Variants in BRCA2 observed in about 807,000 individuals in gnomAD.
The protein encoded by BRCA2 is BRCA2 DNA repair associated, also known as breast cancer type 2 susceptibility protein.
In BRCA2, 203 loss-of-function variants were observed where a neutral mutation model predicts 276.7. The ratio of observed to expected loss-of-function variants is 0.73; its 90% CI spans 0.65 to 0.82. BRCA2 has a LOEUF of 0.82. Among genes scored for constraint, BRCA2 ranks in the 40% least tolerant of loss-of-function variants. The pLI is 0.00. For missense variants in BRCA2, 3,920 were observed against 3,915.0 expected (o/e 1.00, Z -0.03); for synonymous variants, 1,289 against 1,338.4 (o/e 0.96, Z 0.81).
In BRCA2 at chr13:32,339,360, T is replaced by A. The variant is rs771336341; in HGVS notation, c.5005T>A (p.Leu1669Ile). 1.9e-6 allele frequency: 3 copies of A among 1,590,760 alleles called. No homozygotes were observed. The South Asian group carries it at 3.5e-5, about 18-fold the overall frequency. The change falls in exon 11 of 27, where the codon TTA becomes ATA. Residue 1669 changes from leucine to isoleucine, a missense_variant. By Grantham distance (5) the Leu-to-Ile change is conservative. Around this residue, in one of 2 missense-constraint regions of BRCA2, gnomAD observed 3,263 missense variants for 3,156.9 expected, o/e 1.03. Coordinates refer to ENST00000380152, the MANE Select transcript of BRCA2 (RefSeq NM_000059.4). ...SPYSVIENSA[L>I]AFYTSCSRKT... ...TTATTCAGTCATTGAAAATTCAGCC[T>A]TAGCTTTTTACACAAGTTGTAGTAG...
In BRCA2 at chr13:32,357,755, G is replaced by A. The variant is rs397507926; in HGVS notation, c.7631G>A (p.Gly2544Asp). ...TATTTTGTGTAGCTGTATACGTATG[G>A]CGTTTCTAAACATTGCATAAAAATT... ...ACSHKQLYTYGVSKHCIKINS... is the reference protein window; with the variant it reads ...ACSHKQLYTYDVSKHCIKINS... The change falls in exon 16 of 27, where the codon GGC (glycine) becomes GAC (aspartate). Residue 2544 changes from glycine to aspartate, a missense_variant. Physicochemically the swap from Gly to Asp is moderately conservative, Grantham distance 94. Around this residue, in one of 2 missense-constraint regions of BRCA2, gnomAD observed 3,263 missense variants for 3,156.9 expected, o/e 1.03. Transcript: ENST00000380152. The A allele has an allele frequency of 6.2e-7, 1 of 1,612,540 alleles. No homozygotes were observed.
At position 32,380,090 on chromosome 13, in the gene BRCA2, A is replaced by G. The variant is rs774425707; in HGVS notation, c.9201A>G (p.Pro3067=). 5.6e-6 allele frequency: 9 copies of G among 1,614,112 alleles called. No homozygotes were observed. The highest frequency in any genetic ancestry group is 1.7e-4 in the Middle Eastern group (1 of 6,060). Residue 3067 remains proline, a synonymous_variant, in exon 24 of 27, where the codon CCA becomes CCG. Coordinates refer to ENST00000380152, the MANE Select transcript of BRCA2 (RefSeq NM_000059.4). ...AATTTTTAGATCCAGACTTTCAGCC[A>G]TCTTGTTCTGAGGTGGACCTAATAG... ...FSKFLDPDFQ[P]SCSEVDLIGF...
chr13:32,370,144 T>C (rs1341528166), intron 18 of BRCA2, among the ~76,000 whole-genome samples: 1 of 152,236 alleles, frequency 6.6e-6, no homozygotes, highest in Non-Finnish European at 1.5e-5. Context: ...TCCTTTTATC[T>C]GTTTTCTAAT....
intron 11 of BRCA2, 34 bp from the exon 12 acceptor site, chr13:32,344,524 G>A (rs2137536574): frequency 7.5e-7 from 1 of 1,341,638 alleles, no homozygotes; most frequent in South Asian, 1.2e-5. Context: ...GATATTATTT[G>A]CCTTAAAAAC....
intron 25 of BRCA2, chr13:32,395,960 CTTTT>C (rs397838402): frequency 2.6e-3 from 205 of 78,868 alleles, no homozygotes; most frequent in Middle Eastern, 6.5e-3. Context: ...TTCTTTCTTT[CTTTT>C]TTTTTTTTTT....
At chr13:32,327,265 T>C (rs1001691419) in intron 7 of BRCA2, among the ~76,000 whole-genome samples, 1 of 152,144 alleles carries the variant, frequency 6.6e-6, no homozygotes, top group African/African-American at 2.4e-5. Context: ...CTGTACAACG[T>C]GGTGAAACCC....
chr13:32,349,959 A>T (rs2072636969), intron 13 of BRCA2, among the ~76,000 whole-genome samples: 1 of 152,224 alleles, frequency 6.6e-6, no homozygotes, highest in Admixed American at 6.5e-5. Context: ...TGAAGGCAGA[A>T]GCAACTACTT....
chr13:32,326,615 T>G lies in BRCA2; in HGVS notation c.631+2T>G, dbSNP rs81002899. 5.1e-6 allele frequency: 8 copies of G among 1,572,838 alleles called. No individual in the cohort carries two copies. Among genetic ancestry groups the G allele is most frequent in the Non-Finnish European group, 7.0e-6 (8 of 1,143,610 alleles). On this transcript the variant is annotated splice_donor_variant, in intron 7 of 26. Transcript: ENST00000380152. LOFTEE classifies it high-confidence loss of function. ...CCCTTAGTTCTACTGTGCTCATAGG[T>G]AATAATAGCAAATGTGTATTTACAA...
In BRCA2 at chr13:32,339,640, ATC is replaced by A. The variant is rs80359503; in HGVS notation, c.5290_5291del (p.Ser1764LysfsTer3). 3 of 1,612,352 alleles carry A rather than the reference ATC, an allele frequency of 1.9e-6. No individual in the cohort carries two copies. The highest frequency in any genetic ancestry group is 1.7e-6 in the Non-Finnish European group (2 of 1,178,654). On this transcript the variant is annotated frameshift_variant, in exon 11 of 27. Coordinates refer to ENST00000380152, the MANE Select transcript of BRCA2 (RefSeq NM_000059.4). LOFTEE classifies it high-confidence loss of function. Reference sequence around the variant, plus strand: ...GATGAGGTATATAATGATTCAGGATATCTCTCAAAAAATAAACTTGATTCTGG... The same window carrying A: ...GATGAGGTATATAATGATTCAGGATATCTCAAAAAATAAACTTGATTCTGG...
chr13:32,362,784 C>A (rs1593924454), intron 17 of BRCA2, 91 bp downstream of exon 17: 7 of 1,426,336 alleles, frequency 4.9e-6, no homozygotes. Context: ...AAATGTTGCA[C>A]AAGCCAGTTG....
rs2072757082 is a variant in BRCA2, at chr13:32,363,344, A to G, written c.8142A>G (p.Gln2714=). ...ATAAAACTAGTAGTGCAGATACCCA[A>G]AAAGTGGCCATTATTGAACTTACAG... The part of the protein sequence containing the change: ...SSNKTSSADT[Q]KVAIIELTDG... The change falls in exon 18 of 27, where the codon CAA becomes CAG. Residue 2714 remains glutamine (Q), a synonymous_variant. Coordinates refer to ENST00000380152, the MANE Select transcript of BRCA2 (RefSeq NM_000059.4). The G allele has an allele frequency of 6.2e-7, 1 of 1,614,184 alleles. No individual in the cohort carries two copies. The highest frequency in any genetic ancestry group is 8.5e-7 in the Non-Finnish European group (1 of 1,180,012).
chr13:32,321,325 G>C (rs898833063), intron 3 of BRCA2, among the ~76,000 whole-genome samples: 1 of 152,124 alleles, frequency 6.6e-6, no homozygotes, highest in African/African-American at 2.4e-5. Context: ...ACTCAGTCTC[G>C]TAAGCACGTC....
At chr13:32,325,529 C>T (rs1314637841) in intron 4 of BRCA2, among the ~76,000 whole-genome samples, 1 of 149,924 alleles carries the variant, frequency 6.7e-6, no homozygotes, top group Admixed American at 6.7e-5. Context: ...ATATGATTTA[C>T]TTTACAAATT....
chr13:32,370,835 C>A, intron 19 of BRCA2, 121 bp from the exon 20 acceptor site: 1 of 1,263,034 alleles, frequency 7.9e-7, no homozygotes, highest in Non-Finnish European at 1.1e-6. Context: ...TCAGGTGATC[C>A]ACTAATCTCA....
At chr13:32,374,953 G>T (rs1566250690) in intron 20 of BRCA2, among the ~76,000 whole-genome samples, 1 of 152,220 alleles carries the variant, frequency 6.6e-6, no homozygotes, top group South Asian at 2.1e-4. Flanking sequence ...AGGTTTAATT[G>T]ATTCACAGTT....
At chr13:32,322,549 G>C (rs1372462809) in intron 3 of BRCA2, among the ~76,000 whole-genome samples, 1 of 152,238 alleles carries the variant, frequency 6.6e-6, no homozygotes, top group African/African-American at 2.4e-5. Context: ...GCTCATGATA[G>C]TTTGTGGTTT....
Position 32,316,471 on chromosome 13 carries a change from G to T in BRCA2, c.11G>T (p.Gly4Val), listed in dbSNP as rs587782137. The T allele has an allele frequency of 1.9e-6, 3 of 1,613,888 alleles. No homozygotes were observed. The highest frequency in any genetic ancestry group is 2.5e-6 in the Non-Finnish European group (3 of 1,179,886). Residue 4 changes from glycine (G) to valine (V), a missense_variant, in exon 2 of 27, where the codon GGA (glycine) becomes GTA (valine). By Grantham distance (109) the Gly-to-Val change is moderately radical (BLOSUM62 -3). This residue lies in a region of BRCA2 where 3,263 missense variants were observed against 3,156.9 expected (regional missense o/e 1.03). Coordinates refer to ENST00000380152, the MANE Select transcript of BRCA2 (RefSeq NM_000059.4). ...ATATCGTAGGTAAAAATGCCTATTG[G>T]ATCCAAAGAGAGGCCAACATTTTTT... Reference protein sequence around the residue: MPIGSKERPTFFEI... With the variant: MPIVSKERPTFFEI...
rs398122561 is a variant in BRCA2, at chr13:32,340,941, A to G, written c.6586A>G (p.Lys2196Glu). 1 of 1,610,086 alleles carries G rather than the reference A, an allele frequency of 6.2e-7. No individual in the cohort carries two copies. ...TAAAAACGTAAAAATGGAAATTGGTAAAACTGAAACTTTTTCTGATGTTCC... is the reference window on the plus strand; with the variant it reads ...TAAAAACGTAAAAATGGAAATTGGTGAAACTGAAACTTTTTCTGATGTTCC... ...SPKNVKMEIG[K>E]TETFSDVPVK... is the part of the protein sequence containing the mutation. The change falls in exon 11 of 27, where the codon AAA becomes GAA. Residue 2196 changes from lysine to glutamate, a missense_variant. Physicochemically the swap from Lys to Glu is moderately conservative, Grantham distance 56. Coordinates refer to ENST00000380152, the MANE Select transcript of BRCA2 (RefSeq NM_000059.4).
At position 32,337,761 on chromosome 13, in the gene BRCA2, A is replaced by G. The variant is rs876658683; in HGVS notation, c.3406A>G (p.Ile1136Val). 5.6e-6 allele frequency: 9 copies of G among 1,613,994 alleles called. No homozygotes were observed. The African/African-American group carries it at 6.7e-5, about 12-fold the overall frequency. ...TACTCAGTTTAGAAAACCAAGCTAC[A>G]TATTGCAGAAGAGTACATTTGAAGT... ...EFTQFRKPSY[I>V]LQKSTFEVPE... The change falls in exon 11 of 27, where the codon ATA becomes GTA. Residue 1136 changes from isoleucine (I) to valine (V), a missense_variant. By Grantham distance (29) the Ile-to-Val change is conservative (BLOSUM62 3). This residue lies in a region of BRCA2 where 3,263 missense variants were observed against 3,156.9 expected (regional missense o/e 1.03). Transcript: ENST00000380152.
Sources: gnomAD v4.1 joint callset for allele counts (sites outside exome capture counted in the v4.1 genomes callset) on GRCh38, gnomAD v4.1.1 for gene constraint, gnomAD v4.1.1 regional missense constraint, MANE v1.5 for transcripts, NCBI Gene and HGNC (gene_info 2026-07-23, HGNC 2026-07-21) for gene names.